The following XKR6 variants were observed in gnomAD, a reference collection of about 807,000 sequenced individuals.
The protein encoded by XKR6 is XK related 6, also known as XK-related protein 6.
Under a neutral mutation model 56.7 loss-of-function variants are expected in XKR6, and 22 were observed. The ratio of observed to expected loss-of-function variants is 0.39; its 90% CI spans 0.28 to 0.55. The LOEUF (loss-of-function observed/expected upper bound fraction) is 0.55. Ranked by LOEUF, XKR6 falls within the 20% of genes least tolerant of loss-of-function variation. The probability of loss-of-function intolerance (pLI) is 0.66; values close to 1 mark genes in which losing one functional copy is unlikely to be tolerated. For missense variants in XKR6, 852 were observed against 889.0 expected (o/e 0.96, Z 0.53); for synonymous variants, 524 against 387.8 (o/e 1.35, Z -4.13).
chr8:11,194,266 T>G (rs1391726281), intron 1 of XKR6, among the ~76,000 whole-genome samples: 1 of 152,204 alleles, frequency 6.6e-6, no homozygotes, highest in Non-Finnish European at 1.5e-5. Flanking sequence ...GTTTGATAAA[T>G]ATGAGGAAAC....
chr8:10,995,315 G>T (rs183429843), intron 1 of XKR6, among the ~76,000 whole-genome samples: 92 of 150,930 alleles, frequency 6.1e-4, no homozygotes, highest in African/African-American at 2.2e-3. Context: ...AGGAGTTCAG[G>T]ACCAGCCTGG....
chr8:11,049,113 G>A (rs984896691), intron 1 of XKR6, among the ~76,000 whole-genome samples: 4 of 152,208 alleles, frequency 2.6e-5, no homozygotes, highest in African/African-American at 9.7e-5. Flanking sequence ...GGAGGAAAGG[G>A]CTCTGGGTTC....
intron 1 of XKR6, among the ~76,000 whole-genome samples, chr8:11,033,427 ATGG>A (rs1440075005): frequency 6.8e-6 from 1 of 146,726 alleles, no homozygotes; most frequent in African/African-American, 2.6e-5. Flanking sequence ...GATGATGATG[ATGG>A]TGATGATGAT....
At chr8:11,106,161 T>C (rs1054174963) in intron 1 of XKR6, 5 of 152,240 alleles carry the variant, frequency 3.3e-5, no homozygotes, top group Admixed American at 2.0e-4. Flanking sequence ...GTTTTTATTT[T>C]TTTAAAGTAA....
At chr8:11,097,659 T>G (rs895994587) in intron 1 of XKR6, among the ~76,000 whole-genome samples, 7 of 151,576 alleles carry the variant, frequency 4.6e-5, no homozygotes, top group African/African-American at 1.7e-4. Flanking sequence ...AATACAAAAT[T>G]AGCCGGGCGT....
chr8:11,096,625 G>T (rs1490455614), intron 1 of XKR6, among the ~76,000 whole-genome samples: 1 of 152,188 alleles, frequency 6.6e-6, no homozygotes, highest in South Asian at 2.1e-4. Context: ...TGTTAGTCAA[G>T]CAGCCTTTTC....
intron 1 of XKR6, among the ~76,000 whole-genome samples, chr8:10,943,767 A>G (rs1259769541): frequency 1.3e-5 from 2 of 152,130 alleles, no homozygotes; most frequent in South Asian, 2.1e-4. Flanking sequence ...CTCGAGAGGG[A>G]GTGCTTTTAC....
intron 2 of XKR6, 24 bp downstream of exon 2, chr8:10,924,610 G>A (rs376415583): frequency 1.5e-4 from 235 of 1,587,946 alleles, no homozygotes; most frequent in Non-Finnish European, 1.9e-4. Flanking sequence ...CCGGGGTGGC[G>A]GGGCGCGGCC....
At chr8:10,982,627 A>G (rs7816832) in intron 1 of XKR6, among the ~76,000 whole-genome samples, 11,516 of 152,204 alleles carry the variant, frequency 0.076, 1,475 homozygotes, top group African/African-American at 0.26. Flanking sequence ...TCCGGGAGAT[A>G]TCTTCCCGGA....
intron 1 of XKR6, among the ~76,000 whole-genome samples, chr8:11,110,328 A>C (rs1174107908): frequency 6.6e-6 from 1 of 152,130 alleles, no homozygotes; most frequent in African/African-American, 2.4e-5. Context: ...ATTACCAGCC[A>C]ATTTCTCTTA....
intron 2 of XKR6, among the ~76,000 whole-genome samples, chr8:10,917,338 T>G (rs1489265322): frequency 1.3e-5 from 2 of 152,252 alleles, no homozygotes; most frequent in Non-Finnish European, 2.9e-5. Flanking sequence ...GATGGCCTGA[T>G]GGGCAGCATC....
At chr8:11,144,791 T>C (rs1386026036) in intron 1 of XKR6, among the ~76,000 whole-genome samples, 3 of 149,600 alleles carry the variant, frequency 2.0e-5, no homozygotes, top group Non-Finnish European at 3.0e-5. Context: ...AGTCCTCATC[T>C]CCAGAGCCCT....
intron 1 of XKR6, among the ~76,000 whole-genome samples, chr8:11,089,419 C>T (rs896060220): frequency 7.9e-5 from 12 of 152,060 alleles, no homozygotes; most frequent in African/African-American, 2.9e-4. Flanking sequence ...TTGCTTGAGC[C>T]TAGGCGTTTG....
intron 1 of XKR6, among the ~76,000 whole-genome samples, chr8:10,982,652 T>A (rs1797761063): frequency 6.6e-6 from 1 of 152,196 alleles, no homozygotes; most frequent in Non-Finnish European, 1.5e-5. Context: ...GATCGTTTTA[T>A]GAGAAAGTGA....
chr8:11,001,529 A>G (rs1445027601), intron 1 of XKR6, among the ~76,000 whole-genome samples: 1 of 150,570 alleles, frequency 6.6e-6, no homozygotes, highest in Non-Finnish European at 1.5e-5. Flanking sequence ...GTAAAGAAAA[A>G]CTCCTCTCTA....
At chr8:10,954,361 G>T (rs1801812821) in intron 1 of XKR6, among the ~76,000 whole-genome samples, 1 of 152,194 alleles carries the variant, frequency 6.6e-6, no homozygotes, top group Non-Finnish European at 1.5e-5. Context: ...CATCCAAGTG[G>T]GTGTGACGTG....
intron 2 of XKR6, among the ~76,000 whole-genome samples, chr8:10,915,318 C>G (rs1306800891): frequency 6.7e-6 from 1 of 148,842 alleles, no homozygotes; most frequent in Admixed American, 6.7e-5. Context: ...GCAGTAAATG[C>G]TCAGGCTTCT....
intron 2 of XKR6, among the ~76,000 whole-genome samples, chr8:10,919,591 T>C (rs1350702657): frequency 6.6e-6 from 1 of 152,212 alleles, no homozygotes. Context: ...ATTAGACCTT[T>C]GCAACAACCC....
intron 1 of XKR6, among the ~76,000 whole-genome samples, chr8:11,042,940 G>A (rs1799321509): frequency 6.6e-6 from 1 of 152,072 alleles, no homozygotes; most frequent in South Asian, 2.1e-4. Flanking sequence ...AACTCAGTGA[G>A]GCAGGGTGCA....
Sources: gnomAD v4.1 joint callset for allele counts (sites outside exome capture counted in the v4.1 genomes callset) on GRCh38, gnomAD v4.1.1 for gene constraint, MANE v1.5 for transcripts, NCBI Gene and HGNC (gene_info 2026-07-23, HGNC 2026-07-21) for gene names.